Variants in TENM3 observed in about 807,000 individuals in gnomAD.
The protein encoded by TENM3 is teneurin transmembrane protein 3, also known as teneurin-3.
A neutral mutation model predicts 255.1 loss-of-function variants in TENM3; 63 were observed. The ratio of observed to expected loss-of-function variants is 0.25; its 90% CI spans 0.20 to 0.30. TENM3 has a LOEUF of 0.30. Among genes scored for constraint, TENM3 ranks in the 10% least tolerant of loss-of-function variants. The pLI is 1.00. For missense variants in TENM3, 2,929 were observed against 3,461.1 expected, an observed-to-expected ratio of 0.85 and a Z score of 3.86; for synonymous variants, 1,306 against 1,322.3, an observed-to-expected ratio of 0.99 and a Z score of 0.27.
the TENM3 span, among the ~76,000 whole-genome samples, chr4:181,465,216 A>G: frequency 6.6e-6 from 1 of 151,844 alleles, no homozygotes; most frequent in Admixed American, 6.6e-5. Flanking sequence ...TTTAAAACTT[A>G]GTTTCCATAA....
chr4:182,718,051 A>G (rs1759350981), intron 13 of TENM3, among the ~76,000 whole-genome samples: 1 of 151,946 alleles, frequency 6.6e-6, no homozygotes, highest in Non-Finnish European at 1.5e-5. Flanking sequence ...AGTGAACCCT[A>G]CCACAGACTT....
At chr4:182,551,630 T>C (rs953595309) in intron 3 of TENM3, among the ~76,000 whole-genome samples, 5 of 152,156 alleles carry the variant, frequency 3.3e-5, no homozygotes, top group Non-Finnish European at 7.3e-5. Flanking sequence ...ATCATTACTA[T>C]TTCATCTGAC....
intron 1 of TENM3, among the ~76,000 whole-genome samples, chr4:182,208,579 G>T (rs891984128): frequency 2.0e-5 from 3 of 152,196 alleles, no homozygotes; most frequent in African/African-American, 4.8e-5. Flanking sequence ...ATGGATTGTT[G>T]TGGGGGAGAG....
chr4:181,528,168 T>G, the TENM3 span, among the ~76,000 whole-genome samples: 2 of 68,724 alleles, frequency 2.9e-5, no homozygotes, highest in South Asian at 1.6e-3. Context: ...AAATAGATAC[T>G]TAATATACAT....
intron 1 of TENM3, among the ~76,000 whole-genome samples, chr4:182,297,604 G>A (rs1170526804): frequency 1.3e-5 from 2 of 152,174 alleles, no homozygotes; most frequent in Non-Finnish European, 2.9e-5. Context: ...AGACACACCA[G>A]CATGTGAATT....
At chr4:181,964,066 G>A in the TENM3 span, among the ~76,000 whole-genome samples, 8 of 140,060 alleles carry the variant, frequency 5.7e-5, no homozygotes, top group Non-Finnish European at 4.5e-5. Flanking sequence ...ATGACCTTCC[G>A]ATTTTTTTTT....
the TENM3 span, among the ~76,000 whole-genome samples, chr4:181,553,290 TGTGTGTGTA>T: frequency 1.8e-3 from 211 of 117,502 alleles, 1 homozygote; most frequent in African/African-American, 6.8e-3. Flanking sequence ...TGTGTGTGTG[TGTGTGTGTA>T]GTGTGTGTGT....
At chr4:181,840,391 G>A in the TENM3 span, among the ~76,000 whole-genome samples, 2 of 152,056 alleles carry the variant, frequency 1.3e-5, no homozygotes, top group Non-Finnish European at 2.9e-5. Context: ...TTTACCTTGT[G>A]TGTTTTGTGA....
chr4:182,459,861 T>C (rs576690185), intron 3 of TENM3, among the ~76,000 whole-genome samples: 1 of 152,292 alleles, frequency 6.6e-6, no homozygotes, highest in East Asian at 1.9e-4. Flanking sequence ...CTCACTTCAG[T>C]TGAGGCAGAA....
At chr4:181,782,078 CT>C in the TENM3 span, among the ~76,000 whole-genome samples, 1,720 of 149,402 alleles carry the variant, frequency 0.012, 35 homozygotes, top group Middle Eastern at 0.048. Flanking sequence ...GTCTAAAATT[CT>C]TTTTTTTTTG....
At chr4:181,628,432 G>A in the TENM3 span, among the ~76,000 whole-genome samples, 1 of 152,160 alleles carries the variant, frequency 6.6e-6, no homozygotes, top group East Asian at 1.9e-4. Flanking sequence ...GAATGGTATT[G>A]CCTAGGTTTT....
At chr4:182,085,271 T>A in the TENM3 span, 3 of 152,196 alleles carry the variant, frequency 2.0e-5, no homozygotes, top group Non-Finnish European at 4.4e-5. Flanking sequence ...TGCCTGCTTC[T>A]CAGCAGGATA....
At chr4:181,572,514 T>C in the TENM3 span, among the ~76,000 whole-genome samples, 3 of 152,200 alleles carry the variant, frequency 2.0e-5, no homozygotes, top group Non-Finnish European at 4.4e-5. Context: ...AGTTTTTCTT[T>C]CTTTGATTTG....
the TENM3 span, among the ~76,000 whole-genome samples, chr4:181,866,106 A>G: frequency 1.4e-4 from 21 of 152,204 alleles, no homozygotes; most frequent in Non-Finnish European, 2.8e-4. Context: ...GTAAATGATT[A>G]TTTTAATTCG....
At chr4:181,645,022 T>G in the TENM3 span, among the ~76,000 whole-genome samples, 2 of 152,332 alleles carry the variant, frequency 1.3e-5, no homozygotes, top group African/African-American at 4.8e-5. Flanking sequence ...GTAATTAATA[T>G]TCTAAGCACC....
the TENM3 span, among the ~76,000 whole-genome samples, chr4:181,941,571 A>G: frequency 4.1e-3 from 622 of 152,094 alleles, 7 homozygotes; most frequent in African/African-American, 0.014. Context: ...TTATCGCTTT[A>G]GTTATTTTAA....
the TENM3 span, among the ~76,000 whole-genome samples, chr4:181,738,136 C>T: frequency 2.6e-5 from 4 of 152,114 alleles, no homozygotes; most frequent in South Asian, 6.2e-4. Flanking sequence ...TCATCGTACA[C>T]TATCATTTAG....
chr4:182,285,717 G>T (rs890532013), intron 1 of TENM3, among the ~76,000 whole-genome samples: 3 of 152,168 alleles, frequency 2.0e-5, no homozygotes, highest in African/African-American at 7.2e-5. Context: ...AAAGGCAAAC[G>T]TCAGAACTTC....
At chr4:182,225,715 C>T (rs1300943849) in intron 1 of TENM3, among the ~76,000 whole-genome samples, 2 of 152,138 alleles carry the variant, frequency 1.3e-5, no homozygotes, top group African/African-American at 4.8e-5. Context: ...TCTCCAAAAT[C>T]AAGGAAGAGT....
Sources: gnomAD v4.1 joint callset for allele counts (sites outside exome capture counted in the v4.1 genomes callset) on GRCh38, gnomAD v4.1.1 for gene constraint, MANE v1.5 for transcripts, NCBI Gene and HGNC (gene_info 2026-07-23, HGNC 2026-07-21) for gene names.